Variants in GRM1 observed in about 807,000 individuals in gnomAD.
The protein encoded by GRM1 is glutamate metabotropic receptor 1.
GRM1 carries 33 observed loss-of-function variants against 90.9 expected under a neutral mutation model. That is an observed-to-expected ratio of 0.36 (90% CI 0.28 to 0.49). The LOEUF (loss-of-function observed/expected upper bound fraction) is 0.49, where lower values mean the gene tolerates loss of function less well. GRM1 is among the 20% of genes least tolerant of loss of function. The pLI, the probability that GRM1 is intolerant of heterozygous loss-of-function variation, is 0.99. For missense variants in GRM1, 1,190 were observed against 1,534.3 expected, an observed-to-expected ratio of 0.78 and a Z score of 3.75; for synonymous variants, 700 against 613.2, an observed-to-expected ratio of 1.14 and a Z score of -2.09.
chr6:146,407,400 A>G (rs1444195436), intron 7 of GRM1, among the ~76,000 whole-genome samples: 1 of 152,166 alleles, frequency 6.6e-6, no homozygotes, highest in Non-Finnish European at 1.5e-5. Flanking sequence ...TATGGCTCAT[A>G]TTTTCAAGTT....
intron 1 of GRM1, among the ~76,000 whole-genome samples, chr6:146,132,714 A>G (rs1201911455): frequency 2.0e-5 from 3 of 152,222 alleles, no homozygotes; most frequent in African/African-American, 7.2e-5. Context: ...TTTAAAACCT[A>G]GTATAGATTT....
At chr6:146,047,055 G>A (rs1314731054) in intron 1 of GRM1, among the ~76,000 whole-genome samples, 1 of 152,032 alleles carries the variant, frequency 6.6e-6, no homozygotes, top group Non-Finnish European at 1.5e-5. Context: ...TAACAGGTAT[G>A]CAGAGAATGG....
At position 146,386,889 on chromosome 6, in the gene GRM1, G is replaced by A; in HGVS notation, c.1603-1G>A. 1 of 1,605,710 alleles carries A rather than the reference G, an allele frequency of 6.2e-7. No homozygotes were observed. Among genetic ancestry groups the A allele is most frequent in the Non-Finnish European group, 8.5e-7 (1 of 1,172,756 alleles). Reference sequence around the variant, plus strand: ...AAATTCATGAAATATCTATGTTATAGGTTATACGGAAAGGAGAAGTGAGCT... The same window carrying A: ...AAATTCATGAAATATCTATGTTATAAGTTATACGGAAAGGAGAAGTGAGCT... On this transcript the variant is annotated splice_acceptor_variant, in intron 5 of 7. Transcript: ENST00000282753. LOFTEE classifies it high-confidence loss of function.
chr6:146,089,544 C>A (rs1428309108), intron 1 of GRM1, among the ~76,000 whole-genome samples: 3 of 152,060 alleles, frequency 2.0e-5, no homozygotes, highest in Admixed American at 2.0e-4. Flanking sequence ...AACTTCACCC[C>A]TACCCAGATT....
At chr6:146,348,099 A>G (rs1313743970) in intron 3 of GRM1, among the ~76,000 whole-genome samples, 7 of 152,254 alleles carry the variant, frequency 4.6e-5, no homozygotes, top group Admixed American at 2.6e-4. Context: ...TAGTGGTCCC[A>G]AATAAAGTAC....
chr6:146,406,018 G>A (rs145819265), intron 7 of GRM1, among the ~76,000 whole-genome samples: 2 of 152,332 alleles, frequency 1.3e-5, no homozygotes, highest in East Asian at 1.9e-4. Context: ...ATTAAAAGAA[G>A]TAGGAAATTC....
chr6:146,095,912 C>G (rs1323721155), intron 1 of GRM1, among the ~76,000 whole-genome samples: 1 of 152,150 alleles, frequency 6.6e-6, no homozygotes, highest in Non-Finnish European at 1.5e-5. Context: ...TGATGGTTAA[C>G]TTGACTCCTC....
At chr6:146,081,642 G>C (rs576855914) in intron 1 of GRM1, among the ~76,000 whole-genome samples, 39 of 152,256 alleles carry the variant, frequency 2.6e-4, no homozygotes, top group Admixed American at 4.6e-4. Context: ...CAAAATGTCT[G>C]ATTTTACCTG....
chr6:146,191,096 C>T (rs2114581531), intron 2 of GRM1, among the ~76,000 whole-genome samples: 1 of 152,288 alleles, frequency 6.6e-6, no homozygotes, highest in South Asian at 2.1e-4. Context: ...GAAAGGTCTC[C>T]AAGTCTCCTT....
At chr6:146,306,526 A>G (rs1424560105) in intron 3 of GRM1, among the ~76,000 whole-genome samples, 3 of 152,208 alleles carry the variant, frequency 2.0e-5, no homozygotes, top group Non-Finnish European at 4.4e-5. Flanking sequence ...TGCCATCTTC[A>G]ACTGTAATAT....
At chr6:146,319,445 A>G (rs1461938342) in intron 3 of GRM1, among the ~76,000 whole-genome samples, 1 of 152,166 alleles carries the variant, frequency 6.6e-6, no homozygotes, top group Non-Finnish European at 1.5e-5. Context: ...TGTCTTGGCT[A>G]TATGGGCCCT....
chr6:146,069,814 T>C (rs995445617), intron 1 of GRM1, among the ~76,000 whole-genome samples: 3 of 152,200 alleles, frequency 2.0e-5, no homozygotes, highest in Non-Finnish European at 4.4e-5. Context: ...TGACCACTAT[T>C]TTTTACTATA....
At chr6:146,422,045 T>A (rs1008138047) in intron 7 of GRM1, among the ~76,000 whole-genome samples, 3 of 152,208 alleles carry the variant, frequency 2.0e-5, no homozygotes, top group African/African-American at 7.2e-5. Flanking sequence ...TCATTCTTTA[T>A]GATTACTTTG....
At chr6:146,056,784 A>T (rs1029630663) in intron 1 of GRM1, among the ~76,000 whole-genome samples, 3 of 152,132 alleles carry the variant, frequency 2.0e-5, no homozygotes, top group Non-Finnish European at 2.9e-5. Context: ...AAATCTGCCT[A>T]CTATTGGCTT....
chr6:146,154,082 T>A (rs923261230), intron 1 of GRM1, among the ~76,000 whole-genome samples: 3 of 152,112 alleles, frequency 2.0e-5, no homozygotes, highest in Non-Finnish European at 2.9e-5. Flanking sequence ...TGCCTAAGGG[T>A]CTTTATTAGG....
At chr6:146,243,634 G>T (rs1780944506) in intron 2 of GRM1, among the ~76,000 whole-genome samples, 1 of 152,086 alleles carries the variant, frequency 6.6e-6, no homozygotes, top group African/African-American at 2.4e-5. Flanking sequence ...CAAGGCAAAT[G>T]GAGGCAGGGC....
intron 1 of GRM1, among the ~76,000 whole-genome samples, chr6:146,090,573 A>G (rs1368369497): frequency 6.6e-6 from 1 of 152,102 alleles, no homozygotes; most frequent in Non-Finnish European, 1.5e-5. Flanking sequence ...TCTCTTAACT[A>G]TAATGTAATC....
intron 2 of GRM1, among the ~76,000 whole-genome samples, chr6:146,173,984 A>T (rs1363744491): frequency 6.6e-6 from 1 of 152,024 alleles, no homozygotes; most frequent in Non-Finnish European, 1.5e-5. Context: ...TCAGAGTTGT[A>T]GTTTCAGTTA....
intron 5 of GRM1, among the ~76,000 whole-genome samples, chr6:146,369,914 G>A (rs1003958714): frequency 2.8e-5 from 3 of 106,074 alleles, no homozygotes; most frequent in African/African-American, 4.6e-5. Flanking sequence ...ATTGCTAAAA[G>A]TGGAGTGTTG....
Sources: gnomAD v4.1 joint callset for allele counts (sites outside exome capture counted in the v4.1 genomes callset) on GRCh38, gnomAD v4.1.1 for gene constraint, MANE v1.5 for transcripts, NCBI Gene and HGNC (gene_info 2026-07-23, HGNC 2026-07-21) for gene names.